The following PTPRM variants were observed in gnomAD, a reference collection of about 807,000 sequenced individuals.
PTPRM encodes the protein receptor-type tyrosine-protein phosphatase mu.
PTPRM carries 47 observed loss-of-function variants against 186.7 expected under a neutral mutation model. The observed-to-expected ratio is 0.25, with a 90% CI of 0.20 to 0.32. The LOEUF (loss-of-function observed/expected upper bound fraction) is 0.32, where lower values mean the gene tolerates loss of function less well. PTPRM is among the 10% of genes least tolerant of loss of function. PTPRM has a pLI of 1.00. For missense variants in PTPRM, 1,494 were observed against 1,865.0 expected, an observed-to-expected ratio of 0.80 and a Z score of 3.66; for synonymous variants, 668 against 674.9, an observed-to-expected ratio of 0.99 and a Z score of 0.16.
chr18:7,884,365 T>C (rs2048660542), intron 2 of PTPRM, among the ~76,000 whole-genome samples: 1 of 152,172 alleles, frequency 6.6e-6, no homozygotes, highest in Non-Finnish European at 1.5e-5. Flanking sequence ...CAGAGGAGTG[T>C]ACCGCAGGGG....
intron 1 of PTPRM, among the ~76,000 whole-genome samples, chr18:7,704,186 A>G (rs1475144151): frequency 6.6e-6 from 1 of 152,122 alleles, no homozygotes; most frequent in Non-Finnish European, 1.5e-5. Flanking sequence ...GCTGGCCTTA[A>G]AAAATGAGTT....
At chr18:7,744,807 G>A (rs950437388) in intron 1 of PTPRM, among the ~76,000 whole-genome samples, 4 of 152,030 alleles carry the variant, frequency 2.6e-5, no homozygotes, top group Admixed American at 1.3e-4. Context: ...TGTATTGTTT[G>A]CAGTTCAAAT....
rs1327923318 is a variant in PTPRM, at chr18:7,680,047, G to T, written c.74-94102G>T. Among the ~76,000 whole-genome samples, 5 of 151,884 alleles carry T rather than the reference G, an allele frequency of 3.3e-5. No individual in the cohort carries two copies. The East Asian group carries it at 9.7e-4, about 29-fold the overall frequency. ...CACCTGGCTAATGTTTTTGGATTTT[G>T]TAGAGACAGGGTTTCACCATGTTGC... On this transcript the variant is annotated intron_variant, in intron 1 of 32. Transcript: ENST00000580170.
chr18:7,824,427 CTGTG>C (rs10565296), intron 2 of PTPRM, among the ~76,000 whole-genome samples: 1 of 150,242 alleles, frequency 6.7e-6, no homozygotes, highest in Non-Finnish European at 1.5e-5. Context: ...TTGGATTTTC[CTGTG>C]TGTGTGTGTG....
intron 14 of PTPRM, among the ~76,000 whole-genome samples, chr18:8,152,546 C>T (rs2093032731): frequency 6.6e-6 from 1 of 152,094 alleles, no homozygotes; most frequent in Non-Finnish European, 1.5e-5. Context: ...TTTTTCTACC[C>T]ATCGTGTGAT....
intron 19 of PTPRM, among the ~76,000 whole-genome samples, chr18:8,296,045 A>G (rs2095093564): frequency 6.6e-6 from 1 of 152,234 alleles, no homozygotes; most frequent in Non-Finnish European, 1.5e-5. Context: ...TGAGTGAAAC[A>G]TTAATTTCTC....
At chr18:8,127,557 G>T (rs2092402437) in intron 13 of PTPRM, among the ~76,000 whole-genome samples, 1 of 151,808 alleles carries the variant, frequency 6.6e-6, no homozygotes, top group Non-Finnish European at 1.5e-5. Flanking sequence ...ACTGCAGTCA[G>T]GGTGAATGTG....
intron 20 of PTPRM, 111 bp downstream of exon 20, chr18:8,296,566 C>T: frequency 1.4e-6 from 1 of 705,242 alleles, no homozygotes; most frequent in East Asian, 2.7e-5. Flanking sequence ...CCTCCTTCAT[C>T]CTTCTAGAAC....
chr18:8,327,087 A>G (rs2095381953), intron 22 of PTPRM, among the ~76,000 whole-genome samples: 1 of 152,222 alleles, frequency 6.6e-6, no homozygotes, highest in Non-Finnish European at 1.5e-5. Context: ...CTCACATGTG[A>G]ACAAACTTAA....
chr18:8,208,871 G>A (rs982769824), intron 14 of PTPRM, among the ~76,000 whole-genome samples: 2 of 152,156 alleles, frequency 1.3e-5, no homozygotes, highest in East Asian at 3.9e-4. Context: ...AGACATCAGG[G>A]GAAAGAAATT....
intron 7 of PTPRM, among the ~76,000 whole-genome samples, chr18:8,065,050 A>G (rs1227312375): frequency 6.6e-6 from 1 of 152,154 alleles, no homozygotes; most frequent in East Asian, 1.9e-4. Context: ...GAAACCTGTT[A>G]GTGGGAGCAT....
chr18:8,376,347 C>G (rs1304556010), intron 25 of PTPRM, 115 bp from the exon 26 acceptor site: 1 of 1,554,726 alleles, frequency 6.4e-7, no homozygotes, highest in African/African-American at 1.4e-5. Flanking sequence ...TGGAGTGTAC[C>G]TTTTAAGAGG....
chr18:7,761,556 A>G (rs1280428077), intron 1 of PTPRM, among the ~76,000 whole-genome samples: 1 of 152,152 alleles, frequency 6.6e-6, no homozygotes, highest in Non-Finnish European at 1.5e-5. Flanking sequence ...TCTTACATTT[A>G]GGTACTGACT....
At chr18:7,888,564 C>T (rs1276910305) in intron 3 of PTPRM, among the ~76,000 whole-genome samples, 187 bp downstream of exon 3, 1 of 152,182 alleles carries the variant, frequency 6.6e-6, no homozygotes, top group Non-Finnish European at 1.5e-5. Context: ...TGTAAAGCAG[C>T]TTGGATACTT....
chr18:8,172,448 T>C (rs1276912597), intron 14 of PTPRM, among the ~76,000 whole-genome samples: 1 of 152,062 alleles, frequency 6.6e-6, no homozygotes, highest in Non-Finnish European at 1.5e-5. Context: ...AGAGCTGTGT[T>C]CCTCAATAGT....
intron 23 of PTPRM, among the ~76,000 whole-genome samples, chr18:8,344,474 A>ATATATATATATATATCTC (rs1318982857): frequency 8.8e-5 from 13 of 147,284 alleles, no homozygotes; most frequent in African/African-American, 3.1e-4. Context: ...ATATATATAT[A>ATATATATATATATATCTC]TCTAGCAAAA....
Position 7,669,273 on chromosome 18 carries a change from T to A in PTPRM, c.73+101382T>A, listed in dbSNP as rs117939518. 5.1e-3 allele frequency among the ~76,000 whole-genome samples: 775 copies of A among 152,220 alleles called. 5 individuals are homozygous for A. Among genetic ancestry groups the A allele is most frequent in the Non-Finnish European group, 8.4e-3 (574 of 68,012 alleles). On this transcript the variant is annotated intron_variant, in intron 1 of 32. Coordinates refer to ENST00000580170, the MANE Select transcript of PTPRM (RefSeq NM_001105244.2). ...TCCTCCATTGCTTCTTGGTTACCAG[T>A]CCTTTGGAAAGTATGCCTCTGCCTG...
intron 7 of PTPRM, among the ~76,000 whole-genome samples, chr18:8,037,295 C>T (rs1023611677): frequency 6.6e-6 from 1 of 152,130 alleles, no homozygotes; most frequent in African/African-American, 2.4e-5. Flanking sequence ...AAATAAATTT[C>T]TTATATCTTT....
At chr18:8,148,291 G>A (rs190278034) in intron 14 of PTPRM, among the ~76,000 whole-genome samples, 160 of 152,194 alleles carry the variant, frequency 1.1e-3, no homozygotes, top group African/African-American at 3.8e-3. Flanking sequence ...ACCTTTTCTC[G>A]TTGGTAGGCT....
Sources: allele counts gnomAD v4.1 joint callset (sites outside exome capture counted in the v4.1 genomes callset), GRCh38; gene constraint gnomAD v4.1.1; transcripts MANE v1.5; gene names NCBI Gene and HGNC (gene_info 2026-07-23, HGNC 2026-07-21).